LRP1B: variants seen among roughly 807,000 people sequenced by gnomAD.
LRP1B encodes the protein LDL receptor related protein 1B.
A neutral mutation model predicts 556.6 loss-of-function variants in LRP1B; 217 were observed. That is an observed-to-expected ratio of 0.39 (90% CI 0.35 to 0.44). The LOEUF (loss-of-function observed/expected upper bound fraction) is 0.44. Ranked by LOEUF, LRP1B falls within the 20% of genes least tolerant of loss-of-function variation. The pLI, the probability that LRP1B is intolerant of heterozygous loss-of-function variation, is 1.00. For synonymous variants in LRP1B, 2,047 were observed against 1,865.8 expected (o/e 1.10, Z -2.50); for missense variants, 5,053 against 5,620.8 (o/e 0.90, Z 3.23).
chr2:141,404,887 G>GTT (rs199497759), intron 3 of LRP1B, among the ~76,000 whole-genome samples: 2 of 144,676 alleles, frequency 1.4e-5, no homozygotes, highest in South Asian at 2.2e-4. Context: ...TAGAGAATAT[G>GTT]TTTTTTTTTT....
intron 12 of LRP1B, 90 bp downstream of exon 12, chr2:141,019,832 T>A: frequency 1.0e-6 from 1 of 978,548 alleles, no homozygotes. Flanking sequence ...GCTATACATA[T>A]GGATTTAAAT....
intron 1 of LRP1B, among the ~76,000 whole-genome samples, chr2:141,815,474 T>A (rs567343541): frequency 3.9e-5 from 6 of 152,020 alleles, no homozygotes; most frequent in African/African-American, 1.4e-4. Context: ...AAGAGGATTG[T>A]AAAATGCACC....
In LRP1B at chr2:140,239,360, A is replaced by C. The variant is rs562547324; in HGVS notation, c.13415+82T>G. ...TTGGCATAACTAAATCATGTTTAAA[A>C]AAATTAACAACAAACATTATGTTTC... On this transcript the variant is annotated intron_variant, in intron 88 of 90. Coordinates refer to ENST00000389484, the MANE Select transcript of LRP1B (RefSeq NM_018557.3). 43 of 884,402 alleles carry C rather than the reference A, an allele frequency of 4.9e-5. 2 individuals are homozygous for C. In the East Asian group the frequency reaches 1.1e-3, roughly 22 times the overall value. 54.8% of individuals were successfully genotyped at this position (884,402 alleles called of 1,614,324 possible).
chr2:141,861,018 C>T (rs74346811), intron 1 of LRP1B, among the ~76,000 whole-genome samples: 6,446 of 152,264 alleles, frequency 0.042, 208 homozygotes, highest in Middle Eastern at 0.082. Context: ...CTCTACATTC[C>T]TCTAGATAAA....
chr2:141,621,710 G>T (rs12691616), intron 2 of LRP1B, among the ~76,000 whole-genome samples: 1 of 152,010 alleles, frequency 6.6e-6, no homozygotes, highest in Non-Finnish European at 1.5e-5. Flanking sequence ...AGTCTCTCCC[G>T]CAATTTTGTC....
intron 2 of LRP1B, among the ~76,000 whole-genome samples, chr2:141,517,259 T>TACAC (rs71281835): frequency 1.7e-4 from 24 of 141,480 alleles, no homozygotes; most frequent in Non-Finnish European, 2.5e-4. Flanking sequence ...AGGACAAGAA[T>TACAC]ACGCACACAC....
intron 2 of LRP1B, among the ~76,000 whole-genome samples, chr2:141,531,430 A>G (rs1684867639): frequency 6.6e-6 from 1 of 152,124 alleles, no homozygotes; most frequent in African/African-American, 2.4e-5. Flanking sequence ...TTATATTACT[A>G]CAGGCTAAAT....
At chr2:141,274,332 A>G (rs1685202540) in intron 3 of LRP1B, among the ~76,000 whole-genome samples, 1 of 152,222 alleles carries the variant, frequency 6.6e-6, no homozygotes. Flanking sequence ...ATAGGTAAAC[A>G]AAAAGAGGTA....
At chr2:141,600,134 G>C (rs188673857) in intron 2 of LRP1B, among the ~76,000 whole-genome samples, 14 of 152,220 alleles carry the variant, frequency 9.2e-5, no homozygotes. Context: ...GGTGAAAAAG[G>C]TATAAATAGT....
chr2:141,597,670 T>G (rs1687573288), intron 2 of LRP1B, among the ~76,000 whole-genome samples: 1 of 152,114 alleles, frequency 6.6e-6, no homozygotes, highest in South Asian at 2.1e-4. Flanking sequence ...TGAAGTTTCT[T>G]TCTGGATCCT....
chr2:142,124,452 T>C (rs1225163978), intron 1 of LRP1B, among the ~76,000 whole-genome samples: 1 of 151,906 alleles, frequency 6.6e-6, no homozygotes, highest in African/African-American at 2.4e-5. Context: ...AATCCTGTTG[T>C]CCAATTTATG....
At chr2:141,356,508 T>A (rs925823837) in intron 3 of LRP1B, among the ~76,000 whole-genome samples, 1 of 151,878 alleles carries the variant, frequency 6.6e-6, no homozygotes, top group African/African-American at 2.4e-5. Context: ...AAAGGAGAGA[T>A]GATTTGAGCA....
rs553108288 is a variant in LRP1B at position 141,162,762 on chromosome 2, T to C, written c.1013+25659A>G. Among the ~76,000 whole-genome samples, 17 of 152,236 alleles carry C rather than the reference T, an allele frequency of 1.1e-4. No individual in the cohort carries two copies. The South Asian group carries it at 2.9e-3, about 26-fold the overall frequency. The stretch of plus-strand genomic sequence containing the variant: ...ATCTAGATGTTTTGTAAACAGTGCT[T>C]TCATAGATAGTTTATCAGTGAAGTT... On this transcript the variant is annotated intron_variant, in intron 7 of 90. Coordinates refer to ENST00000389484, the MANE Select transcript of LRP1B (RefSeq NM_018557.3).
intron 2 of LRP1B, among the ~76,000 whole-genome samples, chr2:141,723,291 T>A (rs1429405592): frequency 6.6e-6 from 1 of 150,872 alleles, no homozygotes; most frequent in Non-Finnish European, 1.5e-5. Context: ...CCCATTAATA[T>A]TATTTTCTGC....
intron 35 of LRP1B, among the ~76,000 whole-genome samples, chr2:140,753,836 T>C (rs548971805): frequency 6.6e-6 from 1 of 152,210 alleles, no homozygotes; most frequent in East Asian, 1.9e-4. Flanking sequence ...ACCCTCCAAC[T>C]CTAAATTGCT....
intron 7 of LRP1B, among the ~76,000 whole-genome samples, chr2:141,083,172 C>T (rs867395452): frequency 6.6e-6 from 1 of 152,142 alleles, no homozygotes. Flanking sequence ...CTCCATGAAT[C>T]TTTCATCTAT....
intron 35 of LRP1B, among the ~76,000 whole-genome samples, chr2:140,748,799 C>CATGTATATAATATATATAATAT (rs1559094721): frequency 5.4e-5 from 1 of 18,446 alleles, no homozygotes; most frequent in African/African-American, 1.6e-4. Flanking sequence ...ATATTATATA[C>CATGTATATAATATATATAATAT]ATATTATATA....
chr2:140,667,111 C>T (rs989358262), intron 41 of LRP1B, among the ~76,000 whole-genome samples: 1 of 152,074 alleles, frequency 6.6e-6, no homozygotes, highest in Non-Finnish European at 1.5e-5. Context: ...ATGCTGTGAC[C>T]CTACGTAACA....
intron 35 of LRP1B, among the ~76,000 whole-genome samples, chr2:140,763,453 G>A (rs112376054): frequency 2.3e-3 from 353 of 152,126 alleles, no homozygotes; most frequent in African/African-American, 8.1e-3. Context: ...AACTAAAGTC[G>A]GTGTCAAGAT....
Sources: allele counts gnomAD v4.1 joint callset (sites outside exome capture counted in the v4.1 genomes callset), GRCh38; gene constraint gnomAD v4.1.1; transcripts MANE v1.5; gene names NCBI Gene and HGNC (gene_info 2026-07-23, HGNC 2026-07-21).